SAXO1: variants seen among roughly 807,000 people sequenced by gnomAD.
SAXO1 encodes the protein 4930500O09Rik.
A neutral mutation model predicts 17.5 loss-of-function variants in SAXO1; 21 were observed. The ratio of observed to expected loss-of-function variants is 1.20; its 90% confidence interval spans 0.85 to 1.72. SAXO1 has a LOEUF of 1.72. Among genes scored for constraint, SAXO1 ranks in the 40% most tolerant of loss-of-function variants. The probability of loss-of-function intolerance (pLI) is 0.00; values close to 1 mark genes in which losing one functional copy is unlikely to be tolerated. For synonymous variants in SAXO1, 274 were observed against 216.5 expected (o/e 1.27, Z -2.33); for missense variants, 843 against 596.0 (o/e 1.41, Z -4.32).
At chr9:18,979,841 T>C (rs1833298436) in intron 1 of SAXO1, among the ~76,000 whole-genome samples, 1 of 152,202 alleles carries the variant, frequency 6.6e-6, no homozygotes. Context: ...ACCTCATTTT[T>C]CTTTTTTTAA....
chr9:19,033,123 G>C lies in SAXO1; in HGVS notation c.-215C>G. On this transcript the variant is annotated 5_prime_UTR_variant, in exon 1 of 4. Coordinates refer to ENST00000380534, the MANE Select transcript of SAXO1 (RefSeq NM_153707.4). ...AGCGCGAGGTAGCAGCAGGGGGCTT[G>C]CACGCGCGCCAGCCCGGGAGACCTC... 4 of 494,752 alleles carry C rather than the reference G, an allele frequency of 8.1e-6. No homozygotes were observed. The highest frequency in any genetic ancestry group is 1.4e-5 in the Non-Finnish European group (4 of 283,354). 30.6% of individuals were successfully genotyped at this position (494,752 alleles called of 1,614,324 possible). A position where few individuals can be genotyped will look rare whatever the true frequency, so the allele number is the denominator to read the frequency against.
chr9:18,933,224 T>C (rs904287006), intron 3 of SAXO1, among the ~76,000 whole-genome samples: 1 of 152,356 alleles, frequency 6.6e-6, no homozygotes, highest in Non-Finnish European at 1.5e-5. Flanking sequence ...CCTAAGCTTG[T>C]TGAGAGCTTT....
At chr9:19,009,639 G>A (rs1196317919) in intron 1 of SAXO1, among the ~76,000 whole-genome samples, 7 of 152,106 alleles carry the variant, frequency 4.6e-5, no homozygotes, top group African/African-American at 1.7e-4. Context: ...AGGGAAAATT[G>A]AGATTTCTTG....
In SAXO1 at chr9:18,960,607, G is replaced by C. The variant is rs143874361; in HGVS notation, c.39-9670C>G. Among the ~76,000 whole-genome samples the C allele has an allele frequency of 2.9e-3, 443 of 152,062 alleles. 3 individuals carry two copies. Among genetic ancestry groups the C allele is most frequent in the African/African-American group, 0.01 (421 of 41,458 alleles). On this transcript the variant is annotated intron_variant, in intron 1 of 3. Transcript: ENST00000380534. ...AGCCTGGGTAACATGGTGAAACCCC[G>C]AATCTACAAAAAACAACATACAAAA...
chr9:18,944,608 G>A (rs774713594), intron 2 of SAXO1, among the ~76,000 whole-genome samples: 1 of 152,196 alleles, frequency 6.6e-6, no homozygotes, highest in Non-Finnish European at 1.5e-5. Context: ...TAGGTAAGTA[G>A]CTATAAAAGT....
chr9:18,947,270 GC>G (rs1831838607), intron 2 of SAXO1, among the ~76,000 whole-genome samples: 1 of 152,192 alleles, frequency 6.6e-6, no homozygotes, highest in African/African-American at 2.4e-5. Context: ...CAAGACTCAA[GC>G]CTGCTACTAA....
At chr9:18,965,030 G>A (rs1563948267) in intron 1 of SAXO1, among the ~76,000 whole-genome samples, 1 of 152,170 alleles carries the variant, frequency 6.6e-6, no homozygotes, top group East Asian at 1.9e-4. Flanking sequence ...AGACATTCAG[G>A]AGCAGGTTGT....
In SAXO1 at chr9:18,929,052, T is replaced by A. The variant is rs749264728; in HGVS notation, c.425A>T (p.Asp142Val). 8 of 1,613,200 alleles carry A rather than the reference T, an allele frequency of 5.0e-6. No individual in the cohort carries two copies. The highest frequency in any genetic ancestry group is 6.8e-6 in the Non-Finnish European group (8 of 1,179,724). ...KMECLPTYKA[D>V]YLPWNQPRRE... Reference sequence around the variant, plus strand: ...CCTTGGTTGGTTCCAAGGCAAATAATCAGCTGAAATTAAAGCAGAAGAGGT... The same window carrying A: ...CCTTGGTTGGTTCCAAGGCAAATAAACAGCTGAAATTAAAGCAGAAGAGGT... The change falls in exon 4 of 4, where the codon GAT becomes GTT. Residue 142 changes from aspartate (D) to valine (V), a missense_variant. Physicochemically the swap from Asp to Val is radical, Grantham distance 152. Coordinates refer to ENST00000380534, the MANE Select transcript of SAXO1 (RefSeq NM_153707.4).
At chr9:19,023,140 T>TCCCCCCCCCC (rs200594848) in intron 1 of SAXO1, among the ~76,000 whole-genome samples, 9 of 100,900 alleles carry the variant, frequency 8.9e-5, no homozygotes, top group Admixed American at 2.1e-4. Flanking sequence ...CCAGATTACA[T>TCCCCCCCCCC]CCCCCCCCAC....
intron 3 of SAXO1, among the ~76,000 whole-genome samples, chr9:18,931,304 G>C (rs1228763293): frequency 6.6e-6 from 1 of 152,152 alleles, no homozygotes; most frequent in Non-Finnish European, 1.5e-5. Context: ...CTTTCACTTA[G>C]TGTAATGTAA....
intron 1 of SAXO1, among the ~76,000 whole-genome samples, chr9:19,029,060 G>A (rs866012429): frequency 3.3e-5 from 5 of 152,154 alleles, no homozygotes; most frequent in Admixed American, 1.3e-4. Flanking sequence ...CCAAATATAA[G>A]AACTTGCTCC....
At chr9:18,935,545 A>T (rs1831248529) in intron 3 of SAXO1, among the ~76,000 whole-genome samples, 1 of 152,006 alleles carries the variant, frequency 6.6e-6, no homozygotes, top group Non-Finnish European at 1.5e-5. Flanking sequence ...TCAACCAGGG[A>T]TGATGAGTTG....
intron 1 of SAXO1, chr9:19,027,871 C>T (rs986418036): frequency 1.1e-5 from 15 of 1,359,084 alleles, no homozygotes; most frequent in African/African-American, 5.7e-5. Flanking sequence ...TACGCTAGGG[C>T]GGCCTGGACC....
intron 3 of SAXO1, among the ~76,000 whole-genome samples, chr9:18,938,031 C>T (rs2131688870): frequency 6.6e-6 from 1 of 152,300 alleles, no homozygotes; most frequent in Non-Finnish European, 1.5e-5. Context: ...AAACTATGAA[C>T]TCCAACCTCA....
At chr9:18,976,956 C>T (rs1451854052) in intron 1 of SAXO1, among the ~76,000 whole-genome samples, 1 of 152,176 alleles carries the variant, frequency 6.6e-6, no homozygotes. Context: ...TAGCACAATG[C>T]CTGGCTCACG....
chr9:18,997,167 G>C (rs1834041428), intron 1 of SAXO1, among the ~76,000 whole-genome samples: 1 of 152,216 alleles, frequency 6.6e-6, no homozygotes, highest in Non-Finnish European at 1.5e-5. Flanking sequence ...AGAACAAGGG[G>C]TTGGGGGATT....
chr9:19,040,693 A>T (rs888110419), intron 1 of SAXO1, among the ~76,000 whole-genome samples: 8 of 152,130 alleles, frequency 5.3e-5, no homozygotes, highest in African/African-American at 1.9e-4. Context: ...GAGGACATAA[A>T]ACTATATATT....
chr9:18,927,882 T>A lies in SAXO1; in HGVS notation c.*170A>T, dbSNP rs568965544. The stretch of plus-strand genomic sequence containing the variant: ...TTAATTAGCCGGTGATTAAATGTCA[T>A]TTTCCCTGAGTCAAGTGATTCTCAT... On this transcript the variant is annotated 3_prime_UTR_variant, in exon 4 of 4. Transcript: ENST00000380534. 2.7e-5 allele frequency: 18 copies of A among 677,524 alleles called. No homozygotes were observed. In the South Asian group the frequency reaches 5.1e-4, roughly 19 times the overall value. The allele number at this position is 677,524 out of a possible 1,614,324, so 42.0% of individuals were successfully genotyped here.
intron 1 of SAXO1, among the ~76,000 whole-genome samples, chr9:18,990,282 C>T (rs750248794): frequency 4.6e-5 from 7 of 151,880 alleles, no homozygotes; most frequent in African/African-American, 1.7e-4. Context: ...GTATAACAAA[C>T]GCTCCCAGTT....
Sources: gnomAD v4.1 joint callset for allele counts (sites outside exome capture counted in the v4.1 genomes callset) on GRCh38, gnomAD v4.1.1 for gene constraint, MANE v1.5 for transcripts, NCBI Gene and HGNC (gene_info 2026-07-23, HGNC 2026-07-21) for gene names.